AGBL4: variants seen among roughly 807,000 people sequenced by gnomAD.
AGBL4 encodes the protein AGBL carboxypeptidase 4.
AGBL4 carries 58 observed loss-of-function variants against 66.4 expected under a neutral mutation model. The ratio of observed to expected loss-of-function variants is 0.87; its 90% CI spans 0.71 to 1.09. AGBL4 has a LOEUF of 1.09. Ranked by LOEUF, AGBL4 falls within the 50% of genes least tolerant of loss-of-function variation. The pLI, the probability that AGBL4 is intolerant of heterozygous loss-of-function variation, is 0.00. For missense variants in AGBL4, 579 were observed against 631.0 expected (o/e 0.92, Z 0.88); for synonymous variants, 234 against 222.9 (o/e 1.05, Z -0.44).
At chr1:48,874,238 C>G (rs923758312) in intron 5 of AGBL4, among the ~76,000 whole-genome samples, 11 of 152,216 alleles carry the variant, frequency 7.2e-5, no homozygotes, top group Admixed American at 2.0e-4. Context: ...TCCTGTAACC[C>G]CTCCCTTCTC....
chr1:49,779,154 A>C (rs1644273615), intron 2 of AGBL4, among the ~76,000 whole-genome samples: 1 of 152,232 alleles, frequency 6.6e-6, no homozygotes. Context: ...GCTATAAAAT[A>C]GCACTCCTTA....
chr1:49,773,659 T>C (rs887344311), intron 2 of AGBL4, among the ~76,000 whole-genome samples: 1 of 152,184 alleles, frequency 6.6e-6, no homozygotes, highest in Admixed American at 6.5e-5. Flanking sequence ...TGCAGTAGGC[T>C]AGAAGGTTGT....
chr1:49,773,995 C>T (rs868688623), intron 2 of AGBL4, among the ~76,000 whole-genome samples: 3 of 152,116 alleles, frequency 2.0e-5, no homozygotes, highest in Non-Finnish European at 4.4e-5. Context: ...GACTGTGGCA[C>T]GTAAGCGGTA....
intron 3 of AGBL4, among the ~76,000 whole-genome samples, chr1:49,542,264 AT>A (rs1386664305): frequency 6.6e-6 from 1 of 152,152 alleles, no homozygotes; most frequent in Admixed American, 6.5e-5. Context: ...CCACTTCCAC[AT>A]TGTGGAAGCT....
chr1:49,323,451 T>A (rs1211178857), intron 3 of AGBL4, among the ~76,000 whole-genome samples: 2 of 139,786 alleles, frequency 1.4e-5, no homozygotes, highest in African/African-American at 2.9e-5. Flanking sequence ...CTGGCTAATT[T>A]TTTTTTTTTT....
At chr1:48,866,659 A>G in intron 6 of AGBL4, among the ~76,000 whole-genome samples, 1 of 152,176 alleles carries the variant, frequency 6.6e-6, no homozygotes, top group East Asian at 1.9e-4. Flanking sequence ...AGAGGGGAAA[A>G]AAGACCTTTT....
chr1:48,770,067 C>T (rs1644737148), intron 6 of AGBL4, among the ~76,000 whole-genome samples: 1 of 152,154 alleles, frequency 6.6e-6, no homozygotes, highest in African/African-American at 2.4e-5. Flanking sequence ...ATGCTAGAAG[C>T]CCTTTCCATT....
At chr1:50,000,427 G>T (rs1006590291) in intron 1 of AGBL4, among the ~76,000 whole-genome samples, 1 of 152,128 alleles carries the variant, frequency 6.6e-6, no homozygotes, top group South Asian at 2.1e-4. Context: ...ATAATAAGAT[G>T]TTGGCGTGGA....
chr1:49,972,288 C>A (rs1658196684), intron 1 of AGBL4, among the ~76,000 whole-genome samples: 1 of 151,920 alleles, frequency 6.6e-6, no homozygotes, highest in South Asian at 2.1e-4. Flanking sequence ...ACATTGTACC[C>A]AATTGGCAGT....
At position 50,023,951 on chromosome 1, in the gene AGBL4, G is replaced by T. The variant is rs561463056; in HGVS notation, c.-155C>A. ...GCAGGCGCGCGGGTGGCCGGCGCGC[G>T]GCTGAGGGCGGGAGGGACGCCTGGG... is the stretch of plus-strand genomic sequence containing the variant. On this transcript the variant is annotated 5_prime_UTR_variant, in exon 1 of 14. Transcript: ENST00000371839. The T allele has an allele frequency of 2.7e-6, 2 of 753,196 alleles. No individual in the cohort carries two copies. Among genetic ancestry groups the T allele is most frequent in the Admixed American group, 3.8e-5 (1 of 26,382 alleles). 46.7% of individuals were successfully genotyped at this position (753,196 alleles called of 1,614,324 possible).
At chr1:49,442,718 T>G (rs1009489977) in intron 3 of AGBL4, among the ~76,000 whole-genome samples, 2 of 152,234 alleles carry the variant, frequency 1.3e-5, no homozygotes, top group Non-Finnish European at 2.9e-5. Flanking sequence ...AATAAACATG[T>G]GAGTGTTGGT....
At chr1:49,655,259 T>C (rs939496960) in intron 3 of AGBL4, among the ~76,000 whole-genome samples, 3 of 152,194 alleles carry the variant, frequency 2.0e-5, no homozygotes, top group Non-Finnish European at 4.4e-5. Flanking sequence ...ATGTTGAATA[T>C]TAGCCCCCAC....
chr1:49,509,571 A>G (rs1229073324), intron 3 of AGBL4, among the ~76,000 whole-genome samples: 1 of 152,056 alleles, frequency 6.6e-6, no homozygotes, highest in East Asian at 1.9e-4. Context: ...GCCTCTAAAT[A>G]CCAAGGTGAA....
chr1:48,841,242 A>C (rs1161238277), intron 6 of AGBL4, among the ~76,000 whole-genome samples: 1 of 152,154 alleles, frequency 6.6e-6, no homozygotes, highest in Non-Finnish European at 1.5e-5. Context: ...GTATATTTAA[A>C]AAGTCAATTT....
chr1:49,282,926 C>T (rs1015723579), intron 3 of AGBL4, among the ~76,000 whole-genome samples: 18 of 152,100 alleles, frequency 1.2e-4, no homozygotes, highest in East Asian at 3.9e-4. Flanking sequence ...AACTGCAAGG[C>T]GGCAGCGAGG....
chr1:49,609,060 C>T (rs1645108981), intron 3 of AGBL4, among the ~76,000 whole-genome samples: 1 of 152,152 alleles, frequency 6.6e-6, no homozygotes, highest in Non-Finnish European at 1.5e-5. Context: ...ATGCTACTGT[C>T]ATTTCTGCTA....
chr1:49,624,949 G>T (rs575920007), intron 3 of AGBL4, among the ~76,000 whole-genome samples: 70 of 151,980 alleles, frequency 4.6e-4, no homozygotes, highest in African/African-American at 1.2e-3. Context: ...TTCCCTATTA[G>T]TTTTTAACCC....
intron 6 of AGBL4, among the ~76,000 whole-genome samples, chr1:48,740,135 A>T (rs1056850766): frequency 7.9e-5 from 12 of 152,226 alleles, no homozygotes; most frequent in Non-Finnish European, 1.3e-4. Flanking sequence ...ACATTCACTC[A>T]AGTACAAGGC....
chr1:49,612,244 T>C (rs1435749283), intron 3 of AGBL4, among the ~76,000 whole-genome samples: 1 of 152,204 alleles, frequency 6.6e-6, no homozygotes, highest in African/African-American at 2.4e-5. Context: ...GCAAAAATAT[T>C]TAAAACACAG....
Sources: allele counts gnomAD v4.1 joint callset (sites outside exome capture counted in the v4.1 genomes callset), GRCh38; gene constraint gnomAD v4.1.1; transcripts MANE v1.5; gene names NCBI Gene and HGNC (gene_info 2026-07-23, HGNC 2026-07-21).